The following PCDH15 variants were observed in gnomAD, a reference collection of about 807,000 sequenced individuals.
PCDH15 encodes the protein protocadherin-15.
Under a neutral mutation model 178.5 loss-of-function variants are expected in PCDH15, and 129 were observed. The ratio of observed to expected loss-of-function variants is 0.72; its 90% CI spans 0.63 to 0.84. The LOEUF (loss-of-function observed/expected upper bound fraction) is 0.84, where lower values mean the gene tolerates loss of function less well. Ranked by LOEUF, PCDH15 falls within the 40% of genes least tolerant of loss-of-function variation. The pLI, the probability that PCDH15 is intolerant of heterozygous loss-of-function variation, is 0.00. For missense variants in PCDH15, 2,230 were observed against 2,099.9 expected (o/e 1.06, Z -1.21); for synonymous variants, 800 against 732.0 (o/e 1.09, Z -1.50).
chr10:55,479,222 C>A (rs892961831), intron 2 of PCDH15, among the ~76,000 whole-genome samples: 2 of 151,492 alleles, frequency 1.3e-5, no homozygotes, highest in Non-Finnish European at 3.0e-5. Context: ...ACCTGATGAA[C>A]ATGCATGTAA....
At chr10:54,401,914 G>C (rs1951982558) in intron 3 of PCDH15, among the ~76,000 whole-genome samples, 1 of 151,686 alleles carries the variant, frequency 6.6e-6, no homozygotes, top group African/African-American at 2.4e-5. Flanking sequence ...GCATAACCCT[G>C]ATAACAAACC....
intron 3 of PCDH15, among the ~76,000 whole-genome samples, chr10:54,854,655 G>A (rs1399983533): frequency 6.6e-6 from 1 of 152,132 alleles, no homozygotes; most frequent in Non-Finnish European, 1.5e-5. Context: ...GGAGGCCATG[G>A]TGTGGGTAGC....
chr10:54,411,016 T>C (rs930829496), intron 3 of PCDH15, among the ~76,000 whole-genome samples: 1 of 151,918 alleles, frequency 6.6e-6, no homozygotes, highest in Non-Finnish European at 1.5e-5. Context: ...ATATATAGAG[T>C]TTAAGTATGT....
In PCDH15 at chr10:55,039,411, G is replaced by C. The variant is rs530280695; in HGVS notation, c.-80+127165C>G. ...TGATTTTCAGGAAAATTTGAAGAAT[G>C]ATGCAAATTCTAAGAATATTCCTCT... On this transcript the variant is annotated intron_variant, in intron 2 of 5. Coordinates refer to the PCDH15 transcript ENST00000458638. Among the ~76,000 whole-genome samples the C allele has an allele frequency of 2.6e-5, 4 of 152,202 alleles. No homozygotes were observed. In the South Asian group the frequency reaches 8.3e-4, roughly 32 times the overall value.
intron 25 of PCDH15, among the ~76,000 whole-genome samples, chr10:53,930,961 T>C (rs2085009422): frequency 6.6e-6 from 1 of 152,192 alleles, no homozygotes; most frequent in African/African-American, 2.4e-5. Context: ...AGATAATTAT[T>C]TGATCAAATT....
Position 55,582,628 on chromosome 10 carries a change from A to ATATT in PCDH15, c.-156+44996_-156+44997insAATA, listed in dbSNP as rs780312007. Among the ~76,000 whole-genome samples, 414 of 68,908 alleles carry ATATT rather than the reference A, an allele frequency of 6.0e-3. 2 individuals carry two copies. Among genetic ancestry groups the ATATT allele is most frequent in the Non-Finnish European group, 7.8e-3 (316 of 40,570 alleles). 45.2% of individuals were successfully genotyped at this position (68,908 alleles called of 152,430 possible). On this transcript the variant is annotated intron_variant, in intron 2 of 5. Coordinates refer to the PCDH15 transcript ENST00000613346. ...TATATATATATATATATATATATAT[A>ATATT]TTTTTTTTTTTTTGCTATATTTGAT...
chr10:54,191,742 C>CA (rs1317430498), intron 11 of PCDH15, among the ~76,000 whole-genome samples: 1 of 48,028 alleles, frequency 2.1e-5, no homozygotes, highest in Non-Finnish European at 4.1e-5. Flanking sequence ...ACTGTCTCTA[C>CA]AAAAAATGCA....
At chr10:55,313,459 G>T (rs1260870638) in intron 1 of PCDH15, among the ~76,000 whole-genome samples, 1 of 152,142 alleles carries the variant, frequency 6.6e-6, no homozygotes, top group South Asian at 2.1e-4. Context: ...AAAATTTTGT[G>T]TAAAGGTTAC....
intron 3 of PCDH15, among the ~76,000 whole-genome samples, chr10:54,394,311 T>C (rs1950925411): frequency 6.7e-6 from 1 of 148,804 alleles, no homozygotes; most frequent in African/African-American, 2.6e-5. Context: ...CCGATATTCA[T>C]GTAGGTTCTT....
At chr10:54,316,501 C>T (rs1440178428) in intron 8 of PCDH15, among the ~76,000 whole-genome samples, 3 of 151,480 alleles carry the variant, frequency 2.0e-5, no homozygotes, top group South Asian at 2.1e-4. Flanking sequence ...TCCTAGACCA[C>T]GGAATTTTTA....
chr10:55,542,134 A>C (rs769201720), intron 2 of PCDH15, among the ~76,000 whole-genome samples: 10 of 148,258 alleles, frequency 6.7e-5, no homozygotes, highest in Non-Finnish European at 1.1e-4. Context: ...AATCAGTATT[A>C]TATATATATG....
chr10:54,841,706 A>C (rs1953421293), intron 3 of PCDH15, among the ~76,000 whole-genome samples: 1 of 151,818 alleles, frequency 6.6e-6, no homozygotes, highest in African/African-American at 2.4e-5. Flanking sequence ...TAACTGAAAA[A>C]AATTTAAAGT....
At chr10:54,171,940 G>A (rs566554282) in intron 13 of PCDH15, among the ~76,000 whole-genome samples, 44 of 150,704 alleles carry the variant, frequency 2.9e-4, no homozygotes, top group African/African-American at 1.0e-3. Context: ...CCTGCTTGAA[G>A]CAGCCCTGAG....
chr10:54,190,146 A>T (rs1420669486), intron 11 of PCDH15, among the ~76,000 whole-genome samples: 1 of 152,074 alleles, frequency 6.6e-6, no homozygotes, highest in Non-Finnish European at 1.5e-5. Flanking sequence ...CTTTCCACTA[A>T]ATTAAAGGGA....
chr10:54,616,863 T>C (rs1213530471), intron 2 of PCDH15, among the ~76,000 whole-genome samples: 3 of 152,206 alleles, frequency 2.0e-5, no homozygotes, highest in East Asian at 1.9e-4. Context: ...ATGCCCGCTT[T>C]TACAATAAAA....
intron 2 of PCDH15, among the ~76,000 whole-genome samples, chr10:55,377,896 T>G (rs775758143): frequency 3.3e-5 from 5 of 152,104 alleles, no homozygotes; most frequent in Non-Finnish European, 7.4e-5. Context: ...AATGAGGTCA[T>G]GTCCTTCGTG....
intron 13 of PCDH15, among the ~76,000 whole-genome samples, chr10:54,167,418 G>A (rs897353856): frequency 2.6e-5 from 4 of 151,754 alleles, no homozygotes; most frequent in East Asian, 3.9e-4. Context: ...CATTTTATCC[G>A]TGGACCCAAA....
At chr10:55,051,906 C>T (rs1841171408) in intron 2 of PCDH15, among the ~76,000 whole-genome samples, 1 of 151,952 alleles carries the variant, frequency 6.6e-6, no homozygotes, top group Admixed American at 6.6e-5. Context: ...TGTTTCTGGC[C>T]TTGGGAAAAT....
chr10:54,674,095 A>G (rs775517588), intron 1 of PCDH15, among the ~76,000 whole-genome samples: 2 of 152,184 alleles, frequency 1.3e-5, no homozygotes, highest in Non-Finnish European at 2.9e-5. Context: ...TTCATACTAT[A>G]TCAATGCAGA....
Sources: gnomAD v4.1 joint callset for allele counts (sites outside exome capture counted in the v4.1 genomes callset) on GRCh38, gnomAD v4.1.1 for gene constraint, MANE v1.5 for transcripts, NCBI Gene and HGNC (gene_info 2026-07-23, HGNC 2026-07-21) for gene names.